The following IL1RAP variants were observed in gnomAD, a reference collection of about 807,000 sequenced individuals.
IL1RAP encodes the protein interleukin-1 receptor accessory protein.
IL1RAP carries 35 observed loss-of-function variants against 60.7 expected under a neutral mutation model. The observed-to-expected ratio is 0.58, with a 90% CI of 0.44 to 0.76. The LOEUF is 0.76. Among genes scored for constraint, IL1RAP ranks in the 30% least tolerant of loss-of-function variants. The pLI is 0.00. For synonymous variants in IL1RAP, 268 were observed against 250.9 expected (o/e 1.07, Z -0.64); for missense variants, 572 against 693.9 (o/e 0.82, Z 1.97).
At chr3:190,626,663 C>T (rs1433812185) in intron 7 of IL1RAP, among the ~76,000 whole-genome samples, 1 of 140,574 alleles carries the variant, frequency 7.1e-6, no homozygotes, top group Non-Finnish European at 1.5e-5. Flanking sequence ...TTGTCAGAGA[C>T]CTTTTTTTTT....
chr3:190,562,144 G>A (rs780744820), intron 2 of IL1RAP, among the ~76,000 whole-genome samples: 3 of 152,100 alleles, frequency 2.0e-5, no homozygotes, highest in Non-Finnish European at 4.4e-5. Flanking sequence ...TTCCATTTGT[G>A]TTCTATGCTT....
At chr3:190,611,200 T>A (rs1017693041) in intron 5 of IL1RAP, among the ~76,000 whole-genome samples, 17 of 152,194 alleles carry the variant, frequency 1.1e-4, no homozygotes, top group Admixed American at 7.9e-4. Context: ...CATCAATGAC[T>A]GCTAACATCA....
intron 1 of IL1RAP, among the ~76,000 whole-genome samples, chr3:190,539,920 T>C (rs1316464235): frequency 2.0e-5 from 3 of 152,036 alleles, no homozygotes; most frequent in Non-Finnish European, 4.4e-5. Flanking sequence ...AATACTTCTT[T>C]CTACTTTTAT....
intron 2 of IL1RAP, among the ~76,000 whole-genome samples, chr3:190,562,674 T>A (rs919645287): frequency 1.3e-5 from 2 of 149,696 alleles, no homozygotes; most frequent in Admixed American, 6.7e-5. Flanking sequence ...ATTGCTTGCC[T>A]GTATCAAAAC....
At chr3:190,620,721 C>T (rs746831991) in intron 6 of IL1RAP, among the ~76,000 whole-genome samples, 1 of 152,090 alleles carries the variant, frequency 6.6e-6, no homozygotes, top group Non-Finnish European at 1.5e-5. Context: ...CTGTCACTGC[C>T]ACTTATTAGA....
intron 9 of IL1RAP, among the ~76,000 whole-genome samples, chr3:190,633,810 C>A (rs1732983776): frequency 6.6e-6 from 1 of 152,100 alleles, no homozygotes; most frequent in Non-Finnish European, 1.5e-5. Context: ...GATTGTGTCA[C>A]CCATCATCAA....
chr3:190,615,714 C>T (rs1222454518), intron 5 of IL1RAP, among the ~76,000 whole-genome samples: 1 of 23,488 alleles, frequency 4.3e-5, no homozygotes, highest in Non-Finnish European at 6.7e-5. Context: ...CTCCACTTTT[C>T]ATTTTTATTG....
At chr3:190,608,312 A>G (rs1730525842) in intron 4 of IL1RAP, among the ~76,000 whole-genome samples, 1 of 152,178 alleles carries the variant, frequency 6.6e-6, no homozygotes. Flanking sequence ...GGTACTGAAT[A>G]CTGTAGGCAA....
In IL1RAP at chr3:190,650,989, G is replaced by T. The variant is rs749146956; in HGVS notation, c.*2284G>T. On this transcript the variant is annotated 3_prime_UTR_variant, in exon 12 of 12. Transcript: ENST00000447382. ...TTTTTCTATTTATATGCCTGCCTTT[G>T]GTACTTAATTTTACAAATGCTGTAA... 78 of 984,964 alleles carry T rather than the reference G, an allele frequency of 7.9e-5. No homozygotes were observed. Among genetic ancestry groups the T allele is most frequent in the South Asian group, 7.5e-4 (16 of 21,290 alleles). 61.0% of individuals were successfully genotyped at this position (984,964 alleles called of 1,614,324 possible).
chr3:190,575,255 T>TATTC (rs761495802), intron 3 of IL1RAP, among the ~76,000 whole-genome samples: 3 of 152,174 alleles, frequency 2.0e-5, no homozygotes, highest in South Asian at 2.1e-4. Context: ...ATTGTGCGTG[T>TATTC]ATTCATTCAT....
chr3:190,623,866 T>C (rs1354990205), intron 7 of IL1RAP, among the ~76,000 whole-genome samples: 1 of 152,244 alleles, frequency 6.6e-6, no homozygotes. Context: ...CACTATTGAA[T>C]GCTTACTGTG....
chr3:190,649,565 C>G lies in IL1RAP; in HGVS notation c.*860C>G. 1 of 985,764 alleles carries G rather than the reference C, an allele frequency of 1.0e-6. No homozygotes were observed. 61.1% of individuals were successfully genotyped at this position (985,764 alleles called of 1,614,324 possible). On this transcript the variant is annotated 3_prime_UTR_variant, in exon 12 of 12. Transcript: ENST00000447382. ...AGAAAGACTCTTTTAGGGCATTTTTCTGACTCATGAAAAGAGCACAGAAAA... is the reference window on the plus strand; with the variant it reads ...AGAAAGACTCTTTTAGGGCATTTTTGTGACTCATGAAAAGAGCACAGAAAA...
rs140178751 is a variant in IL1RAP at position 190,615,815 on chromosome 3, A to G, written c.538-4460A>G. Among the ~76,000 whole-genome samples, 144 of 152,252 alleles carry G rather than the reference A, an allele frequency of 9.5e-4. 1 individual carries two copies. The East Asian group carries it at 0.015, about 16-fold the overall frequency. ...GCTATTAGGAAAGAACATTTCTGAA[A>G]ACGTGCCTGGCTTGGCCTTCTTGTT... On this transcript the variant is annotated intron_variant, in intron 5 of 11. Transcript: ENST00000447382.
At position 190,651,172 on chromosome 3, in the gene IL1RAP, TA is replaced by T. The variant is rs1197385760; in HGVS notation, c.*2475del. 5 of 980,992 alleles carry T rather than the reference TA, an allele frequency of 5.1e-6. No individual in the cohort carries two copies. The highest frequency in any genetic ancestry group is 6.1e-6 in the Non-Finnish European group (5 of 826,210). 60.8% of individuals were successfully genotyped at this position (980,992 alleles called of 1,614,324 possible). A position where few individuals can be genotyped will look rare whatever the true frequency, so the allele number is the denominator to read the frequency against. On this transcript the variant is annotated 3_prime_UTR_variant, in exon 12 of 12. Transcript: ENST00000447382. ...GAACAAACCATGTCTCAAATTTTTTTAAAAAAAATTAATGGTTTTAAATATA... is the reference window on the plus strand; with the variant it reads ...GAACAAACCATGTCTCAAATTTTTTTAAAAAAATTAATGGTTTTAAATATA...
At chr3:190,630,713 A>C (rs1732715121) in intron 9 of IL1RAP, among the ~76,000 whole-genome samples, 1 of 152,210 alleles carries the variant, frequency 6.6e-6, no homozygotes, top group South Asian at 2.1e-4. Flanking sequence ...GCAGTTTCCC[A>C]AATTGAGTTC....
intron 5 of IL1RAP, among the ~76,000 whole-genome samples, chr3:190,613,591 C>T (rs1275936026): frequency 1.3e-5 from 2 of 152,116 alleles, no homozygotes; most frequent in East Asian, 1.9e-4. Context: ...AAACAATTAC[C>T]ATGGCCAATA....
At chr3:190,656,487 G>A (rs1163730562), downstream of IL1RAP, 3 of 1,537,140 alleles carry the variant, frequency 2.0e-6, no homozygotes, top group African/African-American at 1.4e-5. Context: ...TTCCCCAAGA[G>A]TCAGAAACTC....
chr3:190,536,637 T>C (rs1394293940), intron 1 of IL1RAP, among the ~76,000 whole-genome samples: 2 of 152,192 alleles, frequency 1.3e-5, no homozygotes, highest in African/African-American at 4.8e-5. Context: ...CATGGTTAAA[T>C]ACACTATCAT....
At chr3:190,597,810 T>C (rs1397179482) in intron 3 of IL1RAP, among the ~76,000 whole-genome samples, 1 of 152,214 alleles carries the variant, frequency 6.6e-6, no homozygotes, top group Non-Finnish European at 1.5e-5. Context: ...GCTCTCCTTT[T>C]TTATTTCCTC....
Sources: allele counts gnomAD v4.1 joint callset (sites outside exome capture counted in the v4.1 genomes callset), GRCh38; gene constraint gnomAD v4.1.1; transcripts MANE v1.5; gene names NCBI Gene and HGNC (gene_info 2026-07-23, HGNC 2026-07-21).